EYA3: variants seen among roughly 807,000 people sequenced by gnomAD.
The protein encoded by EYA3 is EYA transcriptional coactivator and phosphatase 3, also known as protein phosphatase EYA3.
In EYA3, 39 loss-of-function variants were observed where a neutral mutation model predicts 80.0. The observed-to-expected ratio is 0.49, with a 90% confidence interval of 0.38 to 0.64. The LOEUF is 0.64. Ranked by LOEUF, EYA3 falls within the 30% of genes least tolerant of loss-of-function variation. The pLI is 0.00. For synonymous variants in EYA3, 206 were observed against 232.8 expected (o/e 0.88, Z 1.05); for missense variants, 523 against 676.1 (o/e 0.77, Z 2.51).
intron 16 of EYA3, among the ~76,000 whole-genome samples, chr1:27,985,768 G>T (rs533777351): frequency 1.3e-5 from 2 of 152,182 alleles, no homozygotes; most frequent in South Asian, 4.1e-4. Context: ...TTTTAGTAGA[G>T]AGGGGGTTTC....
At chr1:28,020,445 T>C (rs1571819739) in intron 7 of EYA3, among the ~76,000 whole-genome samples, 2 of 152,260 alleles carry the variant, frequency 1.3e-5, no homozygotes, top group Middle Eastern at 6.8e-3. Flanking sequence ...AGAAACCATT[T>C]CAGCCACTGA....
chr1:28,044,084 TTAGA>T (rs1015461276), intron 3 of EYA3, among the ~76,000 whole-genome samples: 3 of 152,162 alleles, frequency 2.0e-5, no homozygotes, highest in African/African-American at 7.2e-5. Flanking sequence ...AGTCATTATG[TTAGA>T]TAGTTTAATG....
rs751093140 is a variant in EYA3 at position 28,000,056 on chromosome 1, G to C, written c.994-7C>G. 1 of 1,582,902 alleles carries C rather than the reference G, an allele frequency of 6.3e-7. No homozygotes were observed. Among genetic ancestry groups the C allele is most frequent in the Non-Finnish European group, 8.6e-7 (1 of 1,167,138 alleles). ...CAATCACTACTGTTGGGTCCTAGAA[G>C]ACAATAAGAAAAAATCAGCTTGACT... On this transcript the variant is annotated splice_polypyrimidine_tract_variant and splice_region_variant and intron_variant, in intron 11 of 17. Coordinates refer to ENST00000373871, the MANE Select transcript of EYA3 (RefSeq NM_001990.4).
intron 7 of EYA3, among the ~76,000 whole-genome samples, chr1:28,027,403 C>T (rs1251897214): frequency 6.6e-6 from 1 of 152,160 alleles, no homozygotes; most frequent in Middle Eastern, 3.2e-3. Context: ...AGAAAAGCAG[C>T]ACACACCTCA....
chr1:27,982,594 A>G lies in EYA3; in HGVS notation c.1541-4120T>C, dbSNP rs186508972. Among the ~76,000 whole-genome samples the G allele has an allele frequency of 3.0e-3, 461 of 151,522 alleles. 2 individuals carry two copies. Among genetic ancestry groups the G allele is most frequent in the African/African-American group, 0.01 (426 of 41,228 alleles). On this transcript the variant is annotated intron_variant, in intron 16 of 17. Coordinates refer to ENST00000373871, the MANE Select transcript of EYA3 (RefSeq NM_001990.4). ...CTGTCTGCAATGTTTTTTGTTCATC[A>G]GTTTTTCTTTTTTTTTGAGACAGAG... is the stretch of plus-strand genomic sequence containing the variant.
At chr1:28,082,480 T>A (rs1645463893) in intron 1 of EYA3, among the ~76,000 whole-genome samples, 1 of 152,130 alleles carries the variant, frequency 6.6e-6, no homozygotes, top group African/African-American at 2.4e-5. Context: ...TTGTGAAAGT[T>A]CCCCTCATCT....
chr1:28,015,634 T>C (rs1642004033), intron 8 of EYA3, among the ~76,000 whole-genome samples: 1 of 152,018 alleles, frequency 6.6e-6, no homozygotes, highest in African/African-American at 2.4e-5. Flanking sequence ...TTTTAGAGAA[T>C]GAACAGGCAC....
At chr1:27,985,215 C>T (rs1006990798) in intron 16 of EYA3, among the ~76,000 whole-genome samples, 2 of 151,212 alleles carry the variant, frequency 1.3e-5, no homozygotes, top group Non-Finnish European at 2.9e-5. Context: ...GTAGCCGGGA[C>T]TACAGACATG....
chr1:28,017,628 T>C (rs901275822), intron 7 of EYA3, among the ~76,000 whole-genome samples: 1 of 152,190 alleles, frequency 6.6e-6, no homozygotes, highest in African/African-American at 2.4e-5. Flanking sequence ...CTCTGGTAAA[T>C]CTTACACTGT....
chr1:28,083,303 C>T (rs1216357128), intron 1 of EYA3, among the ~76,000 whole-genome samples: 1 of 152,090 alleles, frequency 6.6e-6, no homozygotes, highest in Non-Finnish European at 1.5e-5. Flanking sequence ...AGGCAGATCA[C>T]GAGGTCAGGA....
intron 16 of EYA3, among the ~76,000 whole-genome samples, chr1:27,985,340 A>G (rs1479442559): frequency 6.6e-6 from 1 of 152,048 alleles, no homozygotes; most frequent in Non-Finnish European, 1.5e-5. Flanking sequence ...CAGCCTCTCA[A>G]AGTGCTGGGA....
intron 9 of EYA3, among the ~76,000 whole-genome samples, chr1:28,011,705 A>C (rs540923817): frequency 6.6e-6 from 1 of 152,214 alleles, no homozygotes; most frequent in African/African-American, 2.4e-5. Flanking sequence ...TTTCTTCAAC[A>C]AACAAACTAC....
At chr1:28,001,693 C>T (rs557687871) in intron 11 of EYA3, among the ~76,000 whole-genome samples, 3 of 137,228 alleles carry the variant, frequency 2.2e-5, no homozygotes, top group South Asian at 2.4e-4. Flanking sequence ...GAGCAGAGAT[C>T]GCACCATGGC....
At chr1:28,022,089 T>C (rs916797484) in intron 7 of EYA3, among the ~76,000 whole-genome samples, 3 of 152,210 alleles carry the variant, frequency 2.0e-5, no homozygotes, top group African/African-American at 4.8e-5. Flanking sequence ...GTGCCTACTA[T>C]GTGCAAGCAC....
chr1:28,035,029 T>C (rs1643366247), intron 6 of EYA3, among the ~76,000 whole-genome samples: 1 of 152,056 alleles, frequency 6.6e-6, no homozygotes, highest in Non-Finnish European at 1.5e-5. Flanking sequence ...CCTAGGCACA[T>C]AAGGTTATAA....
rs1472369306 is a variant in EYA3, at chr1:28,017,212, G to C, written c.527C>G (p.Ser176Cys). ...AATATTGGCAATTGTAGAAGAAGTAGATATCAGGCTGGCATTTGTGCTTGA... is the reference window on the plus strand; with the variant it reads ...AATATTGGCAATTGTAGAAGAAGTACATATCAGGCTGGCATTTGTGCTTGA... Reference protein sequence around the residue: ...QASSTNASLISTSSTIANIPA... With the variant: ...QASSTNASLICTSSTIANIPA... The change falls in exon 8 of 18, where the codon TCT (serine) becomes TGT (cysteine). Residue 176 changes from serine to cysteine, a missense_variant. This residue lies in a region of EYA3 where 304 missense variants were observed against 343.3 expected (regional missense o/e 0.89). Coordinates refer to ENST00000373871, the MANE Select transcript of EYA3 (RefSeq NM_001990.4). 5.6e-6 allele frequency: 9 copies of C among 1,613,848 alleles called. No individual in the cohort carries two copies. The highest frequency in any genetic ancestry group is 7.6e-6 in the Non-Finnish European group (9 of 1,179,782).
At chr1:28,030,628 CT>C (rs1180012471) in intron 6 of EYA3, among the ~76,000 whole-genome samples, 1 of 152,128 alleles carries the variant, frequency 6.6e-6, no homozygotes, top group Non-Finnish European at 1.5e-5. Context: ...ATGTAATATT[CT>C]TTTCTCATCT....
chr1:28,066,350 A>C (rs1644837465), intron 1 of EYA3, among the ~76,000 whole-genome samples: 1 of 152,214 alleles, frequency 6.6e-6, no homozygotes, highest in Non-Finnish European at 1.5e-5. Context: ...AAAATGGTTA[A>C]AACAGTTAAT....
chr1:28,033,653 TATTATTA>T (rs1304702556), intron 6 of EYA3, among the ~76,000 whole-genome samples: 1 of 131,740 alleles, frequency 7.6e-6, no homozygotes, highest in Non-Finnish European at 1.7e-5. Context: ...TTATTATTAT[TATTATTA>T]TTATTATTAT....
Sources: allele counts gnomAD v4.1 joint callset (sites outside exome capture counted in the v4.1 genomes callset), GRCh38; gene constraint gnomAD v4.1.1; regional missense constraint gnomAD v4.1.1; transcripts MANE v1.5; gene names NCBI Gene and HGNC (gene_info 2026-07-23, HGNC 2026-07-21).